Variants in ZC2HC1A observed in about 807,000 individuals in gnomAD.
The protein encoded by ZC2HC1A is zinc finger C2HC-type containing 1A.
Under a neutral mutation model 40.7 loss-of-function variants are expected in ZC2HC1A, and 28 were observed. The ratio of observed to expected loss-of-function variants is 0.69; its 90% CI spans 0.51 to 0.94. The LOEUF is 0.94. Among genes scored for constraint, ZC2HC1A ranks in the 40% least tolerant of loss-of-function variants. The pLI, the probability that ZC2HC1A is intolerant of heterozygous loss-of-function variation, is 0.00. For synonymous variants in ZC2HC1A, 129 were observed against 129.2 expected, an observed-to-expected ratio of 1.00 and a Z score of 0.01; for missense variants, 389 against 386.3, an observed-to-expected ratio of 1.01 and a Z score of -0.06.
chr8:78,718,052 A>G lies in ZC2HC1A; in HGVS notation c.*559A>G, dbSNP rs1454802913. 1 of 152,068 alleles carries G rather than the reference A, an allele frequency of 6.6e-6. No individual in the cohort carries two copies. Among genetic ancestry groups the G allele is most frequent in the Non-Finnish European group, 1.5e-5 (1 of 67,926 alleles). The allele number at this position is 152,068 out of a possible 1,614,324, so 9.4% of individuals were successfully genotyped here. On this transcript the variant is annotated 3_prime_UTR_variant, in exon 9 of 9. Transcript: ENST00000263849. ...TCATAAATCCGAAAAACTAAGAGAA[A>G]AAAAAACCCCTCTATTAGTTACGTA...
chr8:78,715,565 G>C, intron 8 of ZC2HC1A, among the ~76,000 whole-genome samples: 1 of 152,196 alleles, frequency 6.6e-6, no homozygotes, highest in Non-Finnish European at 1.5e-5. Context: ...ATGGGAGGAG[G>C]TCAAAATATC....
At chr8:78,716,847 C>G (rs1349339567) in intron 8 of ZC2HC1A, among the ~76,000 whole-genome samples, 1 of 152,022 alleles carries the variant, frequency 6.6e-6, no homozygotes, top group Non-Finnish European at 1.5e-5. Context: ...ATAGTGAGTT[C>G]TCAATGTATC....
At position 78,666,163 on chromosome 8, in the gene ZC2HC1A, A is replaced by G; in HGVS notation, c.15A>G (p.Glu5=). Residue 5 remains glutamate (E), a splice_region_variant and synonymous_variant, in exon 1 of 9, where the codon GAA becomes GAG. Coordinates refer to ENST00000263849, the MANE Select transcript of ZC2HC1A (RefSeq NM_016010.3). The part of the protein sequence containing the change: MEGL[E]ENGGVVQVGE... ...GAGGTGGCGCGATGGAGGGACTGGA[A>G]GGTGAGGCGATGAAGGGATGAGGGC... is the stretch of plus-strand genomic sequence containing the variant. The G allele has an allele frequency of 6.4e-7, 1 of 1,574,580 alleles. No homozygotes were observed. Among genetic ancestry groups the G allele is most frequent in the Non-Finnish European group, 8.6e-7 (1 of 1,160,266 alleles).
At chr8:78,685,332 T>C (rs1415038630) in intron 3 of ZC2HC1A, among the ~76,000 whole-genome samples, 1 of 152,142 alleles carries the variant, frequency 6.6e-6, no homozygotes, top group African/African-American at 2.4e-5. Context: ...ATAAAATATT[T>C]AGGAAATTTT....
At chr8:78,692,776 C>A (rs1810251692) in intron 5 of ZC2HC1A, among the ~76,000 whole-genome samples, 1 of 152,024 alleles carries the variant, frequency 6.6e-6, no homozygotes, top group Non-Finnish European at 1.5e-5. Flanking sequence ...TACATGTACA[C>A]AACGTGCAGG....
chr8:78,690,598 T>A (rs1036375739), intron 5 of ZC2HC1A, among the ~76,000 whole-genome samples: 1 of 151,862 alleles, frequency 6.6e-6, no homozygotes, highest in Non-Finnish European at 1.5e-5. Context: ...TTGATTTACA[T>A]TTATATATAC....
intron 7 of ZC2HC1A, among the ~76,000 whole-genome samples, chr8:78,700,165 A>G (rs1184665702): frequency 6.6e-6 from 1 of 152,112 alleles, no homozygotes; most frequent in Non-Finnish European, 1.5e-5. Flanking sequence ...CATTCTGACT[A>G]GTGTGAGATA....
intron 3 of ZC2HC1A, among the ~76,000 whole-genome samples, chr8:78,682,769 C>T (rs1196882222): frequency 6.6e-6 from 1 of 152,182 alleles, no homozygotes; most frequent in African/African-American, 2.4e-5. Context: ...CTAAAGTCCA[C>T]AGTTCAATCT....
intron 1 of ZC2HC1A, among the ~76,000 whole-genome samples, chr8:78,666,754 G>A (rs1809312358): frequency 6.6e-6 from 1 of 152,126 alleles, no homozygotes; most frequent in African/African-American, 2.4e-5. Context: ...AGGATTTGAT[G>A]ACTTATTCAC....
intron 2 of ZC2HC1A, among the ~76,000 whole-genome samples, chr8:78,677,259 T>G (rs554328656): frequency 2.6e-5 from 4 of 152,202 alleles, no homozygotes; most frequent in Non-Finnish European, 4.4e-5. Flanking sequence ...GGGAGAATGT[T>G]TATCCAGTTG....
chr8:78,702,385 C>T (rs925794940), intron 7 of ZC2HC1A, among the ~76,000 whole-genome samples: 3 of 151,878 alleles, frequency 2.0e-5, no homozygotes, highest in Non-Finnish European at 4.4e-5. Context: ...TAGCTAGCAG[C>T]CTATATATTT....
At chr8:78,698,928 C>T (rs1365097991) in intron 7 of ZC2HC1A, among the ~76,000 whole-genome samples, 1 of 152,148 alleles carries the variant, frequency 6.6e-6, no homozygotes. Flanking sequence ...CTCAAAGCCA[C>T]ATAGCTGTTA....
intron 8 of ZC2HC1A, among the ~76,000 whole-genome samples, chr8:78,715,584 T>C (rs571440857): frequency 4.3e-4 from 66 of 152,306 alleles, no homozygotes; most frequent in Middle Eastern, 3.4e-3. Context: ...TCCACATTAA[T>C]AAGAGTTTGG....
intron 1 of ZC2HC1A, among the ~76,000 whole-genome samples, chr8:78,674,554 G>A (rs540059754): frequency 6.6e-6 from 1 of 152,160 alleles, no homozygotes; most frequent in East Asian, 1.9e-4. Flanking sequence ...AGCTCCTGGT[G>A]TTGGAGAAGG....
intron 7 of ZC2HC1A, among the ~76,000 whole-genome samples, chr8:78,714,292 A>G (rs1335536114): frequency 6.6e-6 from 1 of 152,128 alleles, no homozygotes. Flanking sequence ...TACCTATTTC[A>G]TAGGATTATT....
At chr8:78,689,034 C>CTT (rs5892662) in intron 4 of ZC2HC1A, among the ~76,000 whole-genome samples, 188 bp from the exon 5 acceptor site, 68 of 146,196 alleles carry the variant, frequency 4.7e-4, no homozygotes, top group East Asian at 1.4e-3. Context: ...TACCAGCAGA[C>CTT]TTTTTTTTTT....
At chr8:78,693,444 TC>T (rs1477171148) in intron 5 of ZC2HC1A, among the ~76,000 whole-genome samples, 7 of 152,222 alleles carry the variant, frequency 4.6e-5, no homozygotes, top group African/African-American at 1.7e-4. Flanking sequence ...TGAGATGGTA[TC>T]TCATTGTGGT....
intron 4 of ZC2HC1A, among the ~76,000 whole-genome samples, chr8:78,689,016 A>C (rs2130501009): frequency 6.8e-6 from 1 of 148,024 alleles, no homozygotes; most frequent in South Asian, 2.2e-4. Flanking sequence ...AGAAAATTGG[A>C]AGTCATGTAC....
At chr8:78,710,629 T>C (rs1421587078) in intron 7 of ZC2HC1A, among the ~76,000 whole-genome samples, 2 of 152,100 alleles carry the variant, frequency 1.3e-5, no homozygotes, top group Admixed American at 6.5e-5. Flanking sequence ...TCCAGAATCA[T>C]GTAAGATAAC....
Sources: allele counts gnomAD v4.1 joint callset (sites outside exome capture counted in the v4.1 genomes callset), GRCh38; gene constraint gnomAD v4.1.1; transcripts MANE v1.5; gene names NCBI Gene and HGNC (gene_info 2026-07-23, HGNC 2026-07-21).